SGCE: variants seen among roughly 807,000 people sequenced by gnomAD.
The protein encoded by SGCE is sarcoglycan epsilon, also known as epsilon-sarcoglycan.
SGCE carries 26 observed loss-of-function variants against 57.8 expected under a neutral mutation model. The ratio of observed to expected loss-of-function variants is 0.45; its 90% CI spans 0.33 to 0.62. The LOEUF (loss-of-function observed/expected upper bound fraction) is 0.62. Among genes scored for constraint, SGCE ranks in the 20% least tolerant of loss-of-function variants. The pLI is 0.02. For missense variants in SGCE, 468 were observed against 548.6 expected (o/e 0.85, Z 1.47); for synonymous variants, 183 against 189.5 (o/e 0.97, Z 0.28).
At chr7:94,634,306 T>C (rs1212811942) in intron 1 of SGCE, among the ~76,000 whole-genome samples, 1 of 152,190 alleles carries the variant, frequency 6.6e-6, no homozygotes, top group East Asian at 1.9e-4. Context: ...TTCTTTTTCA[T>C]GATGGTATAA....
chr7:94,624,327 T>G, intron 3 of SGCE: 3 of 397,632 alleles, frequency 7.5e-6, no homozygotes, highest in Non-Finnish European at 1.3e-5. Flanking sequence ...ATATCAAAGA[T>G]TTTTATACAT....
Position 94,603,271 on chromosome 7 carries a change from A to T in SGCE, c.825+19T>A, listed in dbSNP as rs777735591. On this transcript the variant is annotated intron_variant, in intron 6 of 10. Transcript: ENST00000648936. ...ACATTATTTTTAACTAAACTTGCAA[A>T]AACAAAATAAAAACTTACCAATGAA... The T allele has an allele frequency of 5.7e-5, 91 of 1,603,832 alleles. No homozygotes were observed. The highest frequency in any genetic ancestry group is 6.9e-5 in the Non-Finnish European group (81 of 1,172,210).
intron 1 of SGCE, among the ~76,000 whole-genome samples, chr7:94,651,164 C>T (rs750734552): frequency 2.6e-5 from 4 of 152,212 alleles, no homozygotes; most frequent in Non-Finnish European, 5.9e-5. Context: ...CATACAAAGT[C>T]ATCTCCATAC....
chr7:94,637,754 AGG>A (rs1805792503), intron 1 of SGCE, among the ~76,000 whole-genome samples: 1 of 152,238 alleles, frequency 6.6e-6, no homozygotes, highest in African/African-American at 2.4e-5. Context: ...CAGAGGTTCC[AGG>A]GATCAAAGCT....
intron 5 of SGCE, among the ~76,000 whole-genome samples, chr7:94,611,415 C>T (rs1462503747): frequency 7.2e-6 from 1 of 139,712 alleles, no homozygotes; most frequent in African/African-American, 2.6e-5. Flanking sequence ...TATATAATTC[C>T]ATTTATACAA....
chr7:94,624,496 T>C, intron 3 of SGCE: 2 of 327,478 alleles, frequency 6.1e-6, no homozygotes, highest in Non-Finnish European at 1.1e-5. Flanking sequence ...CTCTCCAGGA[T>C]TTGCCAAATT....
chr7:94,641,716 A>C (rs765733212), intron 1 of SGCE, among the ~76,000 whole-genome samples: 4 of 152,146 alleles, frequency 2.6e-5, no homozygotes, highest in Non-Finnish European at 4.4e-5. Context: ...TTTCAGTAAA[A>C]ATCTGAACTT....
At chr7:94,638,686 G>C (rs1452772560) in intron 1 of SGCE, among the ~76,000 whole-genome samples, 2 of 151,592 alleles carry the variant, frequency 1.3e-5, no homozygotes, top group Non-Finnish European at 2.9e-5. Flanking sequence ...AATGGTAACT[G>C]GTATTTTGAA....
chr7:94,633,511 T>A (rs886682433), intron 1 of SGCE, among the ~76,000 whole-genome samples: 1 of 152,106 alleles, frequency 6.6e-6, no homozygotes, highest in African/African-American at 2.4e-5. Context: ...TTCACAAAAC[T>A]GTTATCTGTA....
chr7:94,585,607 T>C lies in SGCE; in HGVS notation c.1298-92A>G, dbSNP rs1044170017. 22 of 837,994 alleles carry C rather than the reference T, an allele frequency of 2.6e-5. No individual in the cohort carries two copies. The African/African-American group carries it at 3.2e-4, about 12-fold the overall frequency. 51.9% of individuals were successfully genotyped at this position (837,994 alleles called of 1,614,324 possible). A position where few individuals can be genotyped will look rare whatever the true frequency, so the allele number is the denominator to read the frequency against. ...AAAGCAAATTATGGCAAGGAGAAAG[T>C]TTCCATCTTCTTAATACAATGTAAA... is the stretch of plus-strand genomic sequence containing the variant. On this transcript the variant is annotated intron_variant, in intron 10 of 10. Coordinates refer to ENST00000648936, the MANE Select transcript of SGCE (RefSeq NM_003919.3).
At chr7:94,646,244 T>A (rs930969975) in intron 1 of SGCE, among the ~76,000 whole-genome samples, 1 of 152,234 alleles carries the variant, frequency 6.6e-6, no homozygotes, top group Admixed American at 6.5e-5. Context: ...GAGGAAGCAA[T>A]GCAGCAAAAG....
At chr7:94,624,517 T>A (rs943726949) in intron 3 of SGCE, 8 of 300,142 alleles carry the variant, frequency 2.7e-5, no homozygotes, top group African/African-American at 1.3e-4. Context: ...TCCATCATAT[T>A]TAATTATTTC....
In SGCE at chr7:94,600,794, C is replaced by A. The variant is rs1468449531; in HGVS notation, c.889G>T (p.Asp297Tyr). ...EVIRGEGILP[D>Y]GGEYKPPSDS... ...GAAGGGGGTTTGTATTCTCCACCAT[C>A]AGGTAAAATCCCCTCTCCACGAATC... is the stretch of plus-strand genomic sequence containing the variant. The change falls in exon 7 of 11, where the codon GAT (aspartate) becomes TAT (tyrosine). Residue 297 changes from aspartate (D) to tyrosine (Y), a missense_variant. Asp to Tyr is a radical substitution (Grantham distance 160, BLOSUM62 -3). Coordinates refer to ENST00000648936, the MANE Select transcript of SGCE (RefSeq NM_003919.3). 4.3e-6 allele frequency: 7 copies of A among 1,613,388 alleles called. No homozygotes were observed. Among genetic ancestry groups the A allele is most frequent in the Non-Finnish European group, 5.9e-6 (7 of 1,179,774 alleles).
chr7:94,618,843 GCTGCCACACATTT>G lies in SGCE; in HGVS notation c.564_576del (p.Lys188AsnfsTer5). On this transcript the variant is annotated frameshift_variant, in exon 5 of 11. Transcript: ENST00000648936. LOFTEE classifies it high-confidence loss of function. ...ATGTTTATGGCGTTCAGGCGCTCTGGCTGCCACACATTTTTCACTGCGCCAAGAAAGTCTCCAA... is the reference window on the plus strand; with the variant it reads ...ATGTTTATGGCGTTCAGGCGCTCTGGTTCACTGCGCCAAGAAAGTCTCCAA... The G allele has an allele frequency of 6.2e-7, 1 of 1,614,006 alleles. No homozygotes were observed.
chr7:94,596,787 CT>C (rs1332014046), intron 9 of SGCE, among the ~76,000 whole-genome samples: 3 of 152,032 alleles, frequency 2.0e-5, no homozygotes, highest in African/African-American at 7.2e-5. Flanking sequence ...TGTTAGAATT[CT>C]GCAGTGTTGC....
intron 3 of SGCE, chr7:94,627,983 G>T: frequency 4.0e-6 from 2 of 502,522 alleles, no homozygotes; most frequent in South Asian, 3.0e-5. Flanking sequence ...CACAAATTTA[G>T]ACTGTCATTT....
intron 1 of SGCE, among the ~76,000 whole-genome samples, chr7:94,649,308 C>T (rs1373286879): frequency 6.6e-6 from 1 of 152,144 alleles, no homozygotes; most frequent in Non-Finnish European, 1.5e-5. Context: ...AGCACTGTAG[C>T]TTTTACTAAC....
chr7:94,633,664 T>C (rs1264208002), intron 1 of SGCE, among the ~76,000 whole-genome samples: 1 of 152,160 alleles, frequency 6.6e-6, no homozygotes, highest in East Asian at 1.9e-4. Flanking sequence ...AATGTCTTGT[T>C]TTCCTTTACT....
At position 94,603,857 on chromosome 7, in the gene SGCE, A is replaced by G. The variant is rs191665087; in HGVS notation, c.663-405T>C. ...AACCCCACTACTACAATAATAAATAACTAAGTAATACATTTCACTTAATTT... is the reference window on the plus strand; with the variant it reads ...AACCCCACTACTACAATAATAAATAGCTAAGTAATACATTTCACTTAATTT... On this transcript the variant is annotated intron_variant, in intron 5 of 10. Transcript: ENST00000648936. Among the ~76,000 whole-genome samples the G allele has an allele frequency of 7.9e-4, 121 of 152,272 alleles. 2 individuals carry two copies. In the Middle Eastern group the frequency reaches 0.01, roughly 13 times the overall value.
Sources: gnomAD v4.1 joint callset for allele counts (sites outside exome capture counted in the v4.1 genomes callset) on GRCh38, gnomAD v4.1.1 for gene constraint, MANE v1.5 for transcripts, NCBI Gene and HGNC (gene_info 2026-07-23, HGNC 2026-07-21) for gene names.